The following FOXP1 variants were observed in gnomAD, a reference collection of about 807,000 sequenced individuals.
FOXP1 encodes the protein forkhead box P1.
FOXP1 carries 15 observed loss-of-function variants against 98.2 expected under a neutral mutation model. The observed-to-expected ratio is 0.15, with a 90% CI of 0.10 to 0.24. FOXP1 has a LOEUF of 0.24. FOXP1 is among the 10% of genes least tolerant of loss of function. The pLI is 1.00. For missense variants in FOXP1, 633 were observed against 848.5 expected, an observed-to-expected ratio of 0.75 and a Z score of 3.15; for synonymous variants, 371 against 314.5, an observed-to-expected ratio of 1.18 and a Z score of -1.90.
intron 11 of FOXP1, among the ~76,000 whole-genome samples, chr3:71,018,445 A>G (rs2044852476): frequency 6.6e-6 from 1 of 152,192 alleles, no homozygotes; most frequent in African/African-American, 2.4e-5. Flanking sequence ...TGTTTTCACA[A>G]GTTCACATAT....
chr3:71,529,572 CTCCAAGTTCTGACT>C (rs2043665104), intron 2 of FOXP1, among the ~76,000 whole-genome samples: 1 of 152,180 alleles, frequency 6.6e-6, no homozygotes, highest in Non-Finnish European at 1.5e-5. Context: ...AGCCTCTGAC[CTCCAAGTTCTGACT>C]TCCAGAGAGG....
chr3:71,133,926 C>T (rs2059694788), intron 6 of FOXP1, among the ~76,000 whole-genome samples: 3 of 152,102 alleles, frequency 2.0e-5, no homozygotes, highest in Admixed American at 1.3e-4. Context: ...CTAGTAAGTG[C>T]ATTCATTTAA....
chr3:71,071,393 C>A (rs751729759), intron 7 of FOXP1, among the ~76,000 whole-genome samples: 1 of 152,158 alleles, frequency 6.6e-6, no homozygotes, highest in Non-Finnish European at 1.5e-5. Context: ...CTTTTCTAGT[C>A]CACAGAGGCC....
At position 70,957,294 on chromosome 3, in the gene FOXP1, A is replaced by G. The variant is rs1383594850; in HGVS notation, c.*1953T>C. ...AGAGGTACACAAAAAGAAAAAGGAA[A>G]AATAACTACTAGAAAAAAGTAACAA... On this transcript the variant is annotated 3_prime_UTR_variant, in exon 21 of 21. Coordinates refer to ENST00000649528, the MANE Select transcript of FOXP1 (RefSeq NM_001349338.3). 4.4e-6 allele frequency: 1 copy of G among 226,958 alleles called. No homozygotes were observed. Among genetic ancestry groups the G allele is most frequent in the African/African-American group, 2.2e-5 (1 of 44,962 alleles). 14.1% of individuals were successfully genotyped at this position (226,958 alleles called of 1,614,324 possible).
chr3:71,375,225 T>C (rs925185146), intron 3 of FOXP1, among the ~76,000 whole-genome samples: 4 of 152,150 alleles, frequency 2.6e-5, no homozygotes, highest in Non-Finnish European at 4.4e-5. Flanking sequence ...CTGATATCTA[T>C]ATGGTAAAGT....
chr3:71,480,243 T>G (rs1239231771), intron 3 of FOXP1, among the ~76,000 whole-genome samples: 2 of 151,962 alleles, frequency 1.3e-5, no homozygotes, highest in Non-Finnish European at 2.9e-5. Context: ...AGGAACAGAC[T>G]CGTGATCATG....
intron 7 of FOXP1, among the ~76,000 whole-genome samples, chr3:71,061,778 C>T (rs1165410998): frequency 6.6e-6 from 1 of 152,152 alleles, no homozygotes; most frequent in Non-Finnish European, 1.5e-5. Flanking sequence ...TAGTGATGTT[C>T]ATCTACAACT....
chr3:71,223,255 A>C (rs974587970), intron 5 of FOXP1, among the ~76,000 whole-genome samples: 9 of 152,064 alleles, frequency 5.9e-5, no homozygotes, highest in African/African-American at 2.2e-4. Flanking sequence ...CACTTTTCCT[A>C]GTTAGTTGCT....
intron 5 of FOXP1, among the ~76,000 whole-genome samples, chr3:71,279,804 T>G (rs1560231870): frequency 6.6e-6 from 1 of 152,116 alleles, no homozygotes; most frequent in African/African-American, 2.4e-5. Context: ...AAAACTGTTA[T>G]GTGTCTATAC....
chr3:71,483,425 A>G (rs2090430817), intron 3 of FOXP1, among the ~76,000 whole-genome samples: 1 of 152,172 alleles, frequency 6.6e-6, no homozygotes, highest in Admixed American at 6.5e-5. Context: ...CCTCGCCACT[A>G]CTTCCCAATC....
chr3:71,226,004 G>A (rs781108839), intron 5 of FOXP1, among the ~76,000 whole-genome samples: 5 of 152,230 alleles, frequency 3.3e-5, no homozygotes, highest in Admixed American at 6.5e-5. Context: ...TGGTAGCTTT[G>A]CAAGCTGAGT....
Position 71,135,629 on chromosome 3 carries a change from C to T in FOXP1, c.181-22992G>A, listed in dbSNP as rs563146118. 1.2e-3 allele frequency among the ~76,000 whole-genome samples: 177 copies of T among 152,294 alleles called. 1 individual carries two copies. The highest frequency in any genetic ancestry group is 2.2e-3 in the Non-Finnish European group (153 of 68,026). On this transcript the variant is annotated intron_variant, in intron 6 of 20. Coordinates refer to ENST00000649528, the MANE Select transcript of FOXP1 (RefSeq NM_001349338.3). ...AGCTTAACAACAGATGGCTAGAAAA[C>T]TTTCATTATGTTGCACAGGACTGAA...
intron 3 of FOXP1, among the ~76,000 whole-genome samples, chr3:71,370,847 G>A (rs1057303657): frequency 2.7e-5 from 4 of 149,432 alleles, no homozygotes; most frequent in Non-Finnish European, 5.9e-5. Context: ...TGTGGCCCAG[G>A]ATGGAATGCA....
chr3:71,115,481 C>T (rs1421309185), intron 6 of FOXP1, among the ~76,000 whole-genome samples: 2 of 151,524 alleles, frequency 1.3e-5, no homozygotes, highest in East Asian at 3.9e-4. Context: ...GGACTACAGA[C>T]GTGTGCCACC....
chr3:71,167,380 G>A (rs1034811312), intron 6 of FOXP1, among the ~76,000 whole-genome samples: 1 of 152,170 alleles, frequency 6.6e-6, no homozygotes, highest in Non-Finnish European at 1.5e-5. Context: ...ACATACATTA[G>A]TATAACATTG....
At position 71,582,378 on chromosome 3, in the gene FOXP1, G is replaced by A. The variant is rs961190553; in HGVS notation, c.-446-681C>T. The stretch of plus-strand genomic sequence containing the variant: ...GGCAAACTCCTCGGCTCCCGGCGCC[G>A]CCGCCACCGCCGTGGTCCCCACTCG... On this transcript the variant is annotated intron_variant, in intron 1 of 20. Coordinates refer to ENST00000649528, the MANE Select transcript of FOXP1 (RefSeq NM_001349338.3). 6 of 978,018 alleles carry A rather than the reference G, an allele frequency of 6.1e-6. 1 individual carries two copies. In the East Asian group the frequency reaches 6.9e-4, roughly 112 times the overall value. The allele number at this position is 978,018 out of a possible 1,614,324, so 60.6% of individuals were successfully genotyped here. A position where few individuals can be genotyped will look rare whatever the true frequency, so the allele number is the denominator to read the frequency against.
intron 2 of FOXP1, among the ~76,000 whole-genome samples, chr3:71,530,059 A>G (rs2043711470): frequency 6.6e-6 from 1 of 152,176 alleles, no homozygotes; most frequent in Non-Finnish European, 1.5e-5. Context: ...ATCTCCAGGT[A>G]GATGGTGTCA....
In FOXP1 at chr3:71,459,666, A is replaced by C. The variant is rs141653083; in HGVS notation, c.-168+33760T>G. Reference sequence around the variant, plus strand: ...AAATAAATATTCCATTCAAAATCATATTATTTTAGCCTCCAAATTCAAATA... The same window carrying C: ...AAATAAATATTCCATTCAAAATCATCTTATTTTAGCCTCCAAATTCAAATA... On this transcript the variant is annotated intron_variant, in intron 3 of 20. Coordinates refer to ENST00000649528, the MANE Select transcript of FOXP1 (RefSeq NM_001349338.3). 7.9e-4 allele frequency among the ~76,000 whole-genome samples: 120 copies of C among 152,334 alleles called. 1 individual carries two copies. The highest frequency in any genetic ancestry group is 2.7e-3 in the African/African-American group (113 of 41,566).
chr3:71,417,290 C>T (rs1257394302), intron 3 of FOXP1, among the ~76,000 whole-genome samples: 1 of 152,186 alleles, frequency 6.6e-6, no homozygotes, highest in Non-Finnish European at 1.5e-5. Context: ...ATGGTTTATT[C>T]CGGCATCTGT....
Sources: allele counts gnomAD v4.1 joint callset (sites outside exome capture counted in the v4.1 genomes callset), GRCh38; gene constraint gnomAD v4.1.1; transcripts MANE v1.5; gene names NCBI Gene and HGNC (gene_info 2026-07-23, HGNC 2026-07-21).